HMG20A: variants seen among roughly 807,000 people sequenced by gnomAD.
HMG20A encodes high mobility group 20A, also known as high mobility group protein 20A.
Under a neutral mutation model 43.9 loss-of-function variants are expected in HMG20A, and 17 were observed. The observed-to-expected ratio is 0.39, with a 90% CI of 0.27 to 0.58. The LOEUF (loss-of-function observed/expected upper bound fraction) is 0.58. Ranked by LOEUF, HMG20A falls within the 20% of genes least tolerant of loss-of-function variation. HMG20A has a pLI of 0.59. For synonymous variants in HMG20A, 132 were observed against 147.5 expected (o/e 0.89, Z 0.76); for missense variants, 341 against 438.2 (o/e 0.78, Z 1.98).
At chr15:77,499,630 C>T in the HMG20A span, among the ~76,000 whole-genome samples, 1 of 152,146 alleles carries the variant, frequency 6.6e-6, no homozygotes, top group African/African-American at 2.4e-5. Flanking sequence ...TTTCAGCTCT[C>T]CTGGGGCTCT....
rs58715798 is a variant in HMG20A at position 77,443,379 on chromosome 15, G to GATTATTATTATT, written c.-4-15005_-4-14994dup. 6.8e-3 allele frequency among the ~76,000 whole-genome samples: 896 copies of GATTATTATTATT among 131,294 alleles called. 10 individuals carry two copies. Among genetic ancestry groups the GATTATTATTATT allele is most frequent in the South Asian group, 0.013 (50 of 3,958 alleles). The allele number at this position is 131,294 out of a possible 152,430, so 86.1% of individuals were successfully genotyped here. ...TGATGATGATGATGATGATGATGAT[G>GATTATTATTATT]ATTATTATTATTATTATTATTATTA... On this transcript the variant is annotated intron_variant, in intron 1 of 9. Transcript: ENST00000336216.
intron 1 of HMG20A, among the ~76,000 whole-genome samples, chr15:77,431,568 G>C (rs1257667181): frequency 1.3e-5 from 2 of 152,000 alleles, no homozygotes; most frequent in Non-Finnish European, 2.9e-5. Context: ...TGTACAGCAT[G>C]ATGTTTTGAA....
chr15:77,447,321 G>A (rs1213286450), intron 1 of HMG20A, among the ~76,000 whole-genome samples: 1 of 152,158 alleles, frequency 6.6e-6, no homozygotes, highest in Admixed American at 6.5e-5. Context: ...CTTTGGAAGA[G>A]GAAGTGTTTT....
chr15:77,433,824 C>T (rs976623930), intron 1 of HMG20A, among the ~76,000 whole-genome samples: 1 of 152,106 alleles, frequency 6.6e-6, no homozygotes, highest in Admixed American at 6.5e-5. Context: ...CCAAATTGCT[C>T]TATAGATTAA....
intron 4 of HMG20A, 39 bp from the exon 5 acceptor site, chr15:77,470,871 T>C: frequency 6.6e-7 from 1 of 1,518,080 alleles, no homozygotes; most frequent in Non-Finnish European, 8.8e-7. Flanking sequence ...TTAAATAGGA[T>C]CTCATTTTCT....
chr15:77,438,567 T>C (rs2073575495), intron 1 of HMG20A, among the ~76,000 whole-genome samples: 1 of 152,198 alleles, frequency 6.6e-6, no homozygotes, highest in Non-Finnish European at 1.5e-5. Flanking sequence ...CATTTTCTTA[T>C]ATAGCTTGGG....
chr15:77,486,961 T>G (rs754877836), downstream of HMG20A, among the ~76,000 whole-genome samples: 6 of 152,216 alleles, frequency 3.9e-5, no homozygotes, highest in Non-Finnish European at 7.3e-5. Context: ...TAGAAAACTA[T>G]GCCAAAGTTG....
intron 1 of HMG20A, among the ~76,000 whole-genome samples, chr15:77,445,317 A>G (rs1321200321): frequency 4.6e-5 from 7 of 152,336 alleles, no homozygotes; most frequent in Non-Finnish European, 8.8e-5. Flanking sequence ...CCTTGAACCA[A>G]TAAGGACCCT....
rs1385872885 is a variant in HMG20A at position 77,477,633 on chromosome 15, G to A, written c.691+3G>A. On this transcript the variant is annotated splice_donor_region_variant and intron_variant, in intron 7 of 9. Coordinates refer to ENST00000336216, the MANE Select transcript of HMG20A (RefSeq NM_001304504.2). ...GGAATTCTTGAACCATAGCAAAGGTGATTACTGAAGTTTCTTTTTGTGTTT... is the reference window on the plus strand; with the variant it reads ...GGAATTCTTGAACCATAGCAAAGGTAATTACTGAAGTTTCTTTTTGTGTTT... 2 of 1,588,570 alleles carry A rather than the reference G, an allele frequency of 1.3e-6. No homozygotes were observed. Among genetic ancestry groups the A allele is most frequent in the Admixed American group, 3.5e-5 (2 of 57,514 alleles).
At chr15:77,428,114 G>C (rs946582772) in intron 1 of HMG20A, among the ~76,000 whole-genome samples, 1 of 152,166 alleles carries the variant, frequency 6.6e-6, no homozygotes, top group Non-Finnish European at 1.5e-5. Context: ...ATTTAGCAGA[G>C]ATGTTGTTTG....
Position 77,451,406 on chromosome 15 carries a change from G to A in HMG20A, c.-4-6998G>A, listed in dbSNP as rs150699563. Reference sequence around the variant, plus strand: ...AATGAAGGAGAGTTCCTGTTGCTCCGCATCATTGTCAGCACTTAGTGGTGT... The same window carrying A: ...AATGAAGGAGAGTTCCTGTTGCTCCACATCATTGTCAGCACTTAGTGGTGT... On this transcript the variant is annotated intron_variant, in intron 1 of 9. Coordinates refer to ENST00000336216, the MANE Select transcript of HMG20A (RefSeq NM_001304504.2). 5.1e-3 allele frequency among the ~76,000 whole-genome samples: 784 copies of A among 152,272 alleles called. 5 individuals carry two copies. The highest frequency in any genetic ancestry group is 0.018 in the African/African-American group (732 of 41,554).
chr15:77,503,021 G>C, the HMG20A span, among the ~76,000 whole-genome samples: 1 of 152,108 alleles, frequency 6.6e-6, no homozygotes, highest in African/African-American at 2.4e-5. Context: ...ACTCCTTTCT[G>C]AGTGGTTTCA....
intron 1 of HMG20A, among the ~76,000 whole-genome samples, chr15:77,424,288 TC>T: frequency 6.6e-6 from 1 of 152,328 alleles, no homozygotes; most frequent in African/African-American, 2.4e-5. Context: ...TGTATCATTT[TC>T]CTACCATTCT....
At position 77,467,277 on chromosome 15, in the gene HMG20A, A is replaced by G; in HGVS notation, c.420A>G (p.Glu140=). The G allele has an allele frequency of 6.2e-7, 1 of 1,614,046 alleles. No individual in the cohort carries two copies. The change falls in exon 4 of 10, where the codon GAA becomes GAG. Residue 140 remains glutamate, a synonymous_variant. Transcript: ENST00000336216. ...FPEITRMLGN[E]WSKLPPEEKQ... is the part of the protein sequence containing the mutation. ...AAATCACAAGGATGTTAGGCAATGA[A>G]TGGAGTAAACTGCCTCCTGAGGAAA...
At chr15:77,454,812 A>G (rs1011770391) in intron 1 of HMG20A, among the ~76,000 whole-genome samples, 9 of 152,166 alleles carry the variant, frequency 5.9e-5, no homozygotes, top group African/African-American at 2.2e-4. Flanking sequence ...GTGAGTTGTA[A>G]TAGGAGAATT....
At chr15:77,434,272 G>A (rs1242556521) in intron 1 of HMG20A, among the ~76,000 whole-genome samples, 3 of 151,890 alleles carry the variant, frequency 2.0e-5, no homozygotes. Flanking sequence ...GGGAGAAACT[G>A]GAAAACACCT....
chr15:77,508,458 G>A, the HMG20A span, among the ~76,000 whole-genome samples: 1 of 152,210 alleles, frequency 6.6e-6, no homozygotes, highest in African/African-American at 2.4e-5. Context: ...TGAATAGTGA[G>A]TGTGAGCCCA....
the HMG20A span, among the ~76,000 whole-genome samples, chr15:77,493,799 T>C: frequency 3.9e-5 from 6 of 152,236 alleles, 1 homozygote; most frequent in African/African-American, 1.4e-4. Flanking sequence ...ATGGTCCAGA[T>C]ACCAGTTACA....
chr15:77,479,915 A>G (rs576823534), intron 9 of HMG20A, among the ~76,000 whole-genome samples: 13 of 152,338 alleles, frequency 8.5e-5, no homozygotes, highest in African/African-American at 2.9e-4. Context: ...TTCACCACTC[A>G]ATAACACAGT....
Sources: gnomAD v4.1 joint callset for allele counts (sites outside exome capture counted in the v4.1 genomes callset) on GRCh38, gnomAD v4.1.1 for gene constraint, MANE v1.5 for transcripts, NCBI Gene and HGNC (gene_info 2026-07-23, HGNC 2026-07-21) for gene names.